Variants in IQCH observed in about 807,000 individuals in gnomAD.
IQCH encodes the protein IQ domain-containing protein H.
A neutral mutation model predicts 117.0 loss-of-function variants in IQCH; 98 were observed. The ratio of observed to expected loss-of-function variants is 0.84; its 90% confidence interval spans 0.71 to 0.99. The LOEUF (loss-of-function observed/expected upper bound fraction) is 0.99. Ranked by LOEUF, IQCH falls within the 50% of genes least tolerant of loss-of-function variation. The probability of loss-of-function intolerance (pLI) is 0.00; values close to 1 mark genes in which losing one functional copy is unlikely to be tolerated. For synonymous variants in IQCH, 412 were observed against 448.2 expected, an observed-to-expected ratio of 0.92 and a Z score of 1.02; for missense variants, 1,102 against 1,243.8, an observed-to-expected ratio of 0.89 and a Z score of 1.72.
intron 4 of IQCH, among the ~76,000 whole-genome samples, chr15:67,336,394 A>T (rs978375879): frequency 3.3e-5 from 5 of 152,320 alleles, no homozygotes; most frequent in Non-Finnish European, 5.9e-5. Context: ...GAAACCATTT[A>T]ATAGAAACAA....
chr15:67,328,825 G>A (rs752242116), intron 4 of IQCH, among the ~76,000 whole-genome samples: 62 of 152,234 alleles, frequency 4.1e-4, no homozygotes, highest in Non-Finnish European at 8.7e-4. Flanking sequence ...TATAAAGTTT[G>A]AAAACAAAAA....
At position 67,494,262 on chromosome 15, in the gene IQCH, A is replaced by T; in HGVS notation, c.2866A>T (p.Ile956Phe). The T allele has an allele frequency of 1.9e-6, 3 of 1,606,742 alleles. No homozygotes were observed. The highest frequency in any genetic ancestry group is 2.5e-6 in the Non-Finnish European group (3 of 1,177,772). ...LKRHKLGMLT[I>F]GEDLQGVLMT... Reference sequence around the variant, plus strand: ...TTGTTTGGATATCATTAACAGAACAATCGGCGAGGATCTCCAGGGGGTCCT... The same window carrying T: ...TTGTTTGGATATCATTAACAGAACATTCGGCGAGGATCTCCAGGGGGTCCT... Residue 956 changes from isoleucine (I) to phenylalanine (F), a missense_variant, in exon 20 of 21, where the codon ATC becomes TTC. By Grantham distance (21) the Ile-to-Phe change is conservative. Transcript: ENST00000335894. The surrounding 1 kb of genome is among the most constrained non-coding windows in gnomAD (Gnocchi z 5.5).
At chr15:67,354,988 T>C (rs1265385357) in intron 6 of IQCH, among the ~76,000 whole-genome samples, 4 of 152,166 alleles carry the variant, frequency 2.6e-5, no homozygotes, top group Non-Finnish European at 2.9e-5. Flanking sequence ...ATCTCACTGC[T>C]CACTGCTAGC....
intron 5 of IQCH, among the ~76,000 whole-genome samples, chr15:67,337,469 A>G (rs953785904): frequency 6.6e-6 from 1 of 152,216 alleles, no homozygotes; most frequent in Non-Finnish European, 1.5e-5. Flanking sequence ...ATACCCTATT[A>G]TAAGGAAATA....
At chr15:67,258,192 AG>A (rs1218024778) in intron 1 of IQCH, among the ~76,000 whole-genome samples, 13 of 149,166 alleles carry the variant, frequency 8.7e-5, no homozygotes, top group African/African-American at 3.2e-4. Flanking sequence ...AGATTGCACC[AG>A]TACACTCCAA....
intron 4 of IQCH, among the ~76,000 whole-genome samples, chr15:67,283,814 C>T (rs1038256150): frequency 6.6e-6 from 1 of 152,120 alleles, no homozygotes; most frequent in Non-Finnish European, 1.5e-5. Context: ...CCCAGTAGTG[C>T]CCCAATTTGA....
intron 4 of IQCH, among the ~76,000 whole-genome samples, chr15:67,333,467 A>G (rs1355900073): frequency 6.6e-6 from 1 of 152,202 alleles, no homozygotes; most frequent in Non-Finnish European, 1.5e-5. Flanking sequence ...ATGTAAAATT[A>G]ATAACATAAG....
intron 4 of IQCH, among the ~76,000 whole-genome samples, chr15:67,298,485 T>A (rs528606548): frequency 6.6e-6 from 1 of 152,068 alleles, no homozygotes; most frequent in African/African-American, 2.4e-5. Context: ...CTGGCAAGTA[T>A]GTGGAGAAAA....
Position 67,360,003 on chromosome 15 carries a change from G to A in IQCH, c.753+118G>A, listed in dbSNP as rs1157556489. On this transcript the variant is annotated intron_variant, in intron 8 of 20. Coordinates refer to ENST00000335894, the MANE Select transcript of IQCH (RefSeq NM_001031715.3). ...CAGCTGGAGATGGCAACAAAAGTTC[G>A]TGCTTCCTTTGTAAAAGAAATTAGA... The A allele has an allele frequency of 4.3e-6, 3 of 704,166 alleles. 1 individual carries two copies. The highest frequency in any genetic ancestry group is 2.8e-5 in the East Asian group (1 of 36,278). 43.6% of individuals were successfully genotyped at this position (704,166 alleles called of 1,614,324 possible).
chr15:67,418,553 A>ACACAC (rs66695451), intron 15 of IQCH, among the ~76,000 whole-genome samples: 8 of 149,002 alleles, frequency 5.4e-5, no homozygotes, highest in South Asian at 2.2e-4. Context: ...ACACACACAC[A>ACACAC]AGATCAATAA....
chr15:67,316,319 G>A (rs1215931869), intron 4 of IQCH, among the ~76,000 whole-genome samples: 1 of 152,136 alleles, frequency 6.6e-6, no homozygotes, highest in Non-Finnish European at 1.5e-5. Context: ...CTAATACTGG[G>A]TTAGTTTAAC....
At chr15:67,435,148 C>G (rs1422558931) in intron 16 of IQCH, among the ~76,000 whole-genome samples, 2 of 151,880 alleles carry the variant, frequency 1.3e-5, no homozygotes, top group Non-Finnish European at 2.9e-5. Flanking sequence ...AGCCACTGCA[C>G]CCAGCCTTCT....
At chr15:67,334,580 C>T (rs924053361) in intron 4 of IQCH, among the ~76,000 whole-genome samples, 11 of 152,288 alleles carry the variant, frequency 7.2e-5, no homozygotes, top group East Asian at 5.8e-4. Flanking sequence ...ACTTTGGCTA[C>T]GCATCAGAAT....
At chr15:67,338,245 A>ATCTG (rs140859308) in intron 5 of IQCH, among the ~76,000 whole-genome samples, 17 of 151,108 alleles carry the variant, frequency 1.1e-4, no homozygotes, top group Middle Eastern at 3.4e-3. Context: ...CTATCTATCT[A>ATCTG]TCTGTCTGCT....
chr15:67,357,916 G>A (rs1197553166), intron 7 of IQCH, among the ~76,000 whole-genome samples: 1 of 151,930 alleles, frequency 6.6e-6, no homozygotes, highest in East Asian at 1.9e-4. Flanking sequence ...CTGGAGTGCA[G>A]TGCACTATGT....
chr15:67,433,178 C>A lies in IQCH; in HGVS notation c.2505+11601C>A, dbSNP rs2082054752. On this transcript the variant is annotated intron_variant, in intron 16 of 20. Coordinates refer to ENST00000335894, the MANE Select transcript of IQCH (RefSeq NM_001031715.3). This position sits in a 1 kb window ranked among gnomAD's most constrained non-coding sequence, Gnocchi z 5.4. ...GACTTGGAAGCATTAAAGTAAAAGA[C>A]CTTCTCCCTTTAAAAGGGCTGTATC... 6.6e-6 allele frequency among the ~76,000 whole-genome samples: 1 copy of A among 152,112 alleles called. No individual in the cohort carries two copies. Among genetic ancestry groups the A allele is most frequent in the African/African-American group, 2.4e-5 (1 of 41,402 alleles).
rs933283939 is a variant in IQCH, at chr15:67,390,435, G to A, written c.1632+1429G>A. ...TAGAATGGGGAAGGGGCACTAGATT[G>A]GGGAGAAAAAAAGTGAGAAAACTAA... On this transcript the variant is annotated intron_variant, in intron 12 of 20. Coordinates refer to ENST00000335894, the MANE Select transcript of IQCH (RefSeq NM_001031715.3). The surrounding 1 kb of genome is among the most constrained non-coding windows in gnomAD (Gnocchi z 5.0). Among the ~76,000 whole-genome samples, 1 of 151,972 alleles carries A rather than the reference G, an allele frequency of 6.6e-6. No homozygotes were observed. The highest frequency in any genetic ancestry group is 1.5e-5 in the Non-Finnish European group (1 of 67,970).
At chr15:67,361,834 C>T (rs1030331715) in intron 8 of IQCH, among the ~76,000 whole-genome samples, 1 of 152,132 alleles carries the variant, frequency 6.6e-6, no homozygotes, top group South Asian at 2.1e-4. Flanking sequence ...TCTGAGGCAT[C>T]CTTATTTTCA....
intron 3 of IQCH, among the ~76,000 whole-genome samples, chr15:67,278,004 C>G (rs1346311235): frequency 1.3e-5 from 2 of 152,128 alleles, no homozygotes; most frequent in Non-Finnish European, 2.9e-5. Context: ...GCATTCTATA[C>G]TCTATAATTA....
Sources: allele counts gnomAD v4.1 joint callset (sites outside exome capture counted in the v4.1 genomes callset), GRCh38; gene constraint gnomAD v4.1.1; non-coding constraint Gnocchi (gnomAD v3.1); transcripts MANE v1.5; gene names NCBI Gene and HGNC (gene_info 2026-07-23, HGNC 2026-07-21).